PHF20: variants seen among roughly 807,000 people sequenced by gnomAD.
PHF20 encodes the protein PHD finger protein 20.
Under a neutral mutation model 113.5 loss-of-function variants are expected in PHF20, and 23 were observed. The observed-to-expected ratio is 0.20, with a 90% CI of 0.15 to 0.29. The LOEUF (loss-of-function observed/expected upper bound fraction) is 0.29. PHF20 is among the 10% of genes least tolerant of loss of function. The pLI is 1.00. For missense variants in PHF20, 943 were observed against 1,219.6 expected (o/e 0.77, Z 3.38); for synonymous variants, 434 against 457.3 (o/e 0.95, Z 0.65).
chr20:35,781,742 C>T (rs1198202513), intron 1 of PHF20, among the ~76,000 whole-genome samples: 2 of 151,982 alleles, frequency 1.3e-5, no homozygotes, highest in Non-Finnish European at 2.9e-5. Flanking sequence ...GTCAGGAGTT[C>T]GAGGCCAGCC....
chr20:35,801,959 A>T (rs768658960), intron 2 of PHF20: 20 of 188,048 alleles, frequency 1.1e-4, no homozygotes, highest in Non-Finnish European at 2.0e-4. Context: ...GTGAAGAAAA[A>T]GGGGTTCGAT....
At chr20:35,813,678 T>G (rs1000338152) in intron 2 of PHF20, among the ~76,000 whole-genome samples, 1 of 152,054 alleles carries the variant, frequency 6.6e-6, no homozygotes, top group Non-Finnish European at 1.5e-5. Context: ...GTCAACATAG[T>G]GAAACCCTGT....
At chr20:35,932,078 T>G (rs2055768003) in intron 15 of PHF20, among the ~76,000 whole-genome samples, 1 of 151,568 alleles carries the variant, frequency 6.6e-6, no homozygotes, top group Non-Finnish European at 1.5e-5. Flanking sequence ...GTGTTTTTTT[T>G]TTTTTTTGAG....
chr20:35,925,626 T>C (rs1318691409), intron 13 of PHF20, among the ~76,000 whole-genome samples: 1 of 152,118 alleles, frequency 6.6e-6, no homozygotes, highest in Non-Finnish European at 1.5e-5. Flanking sequence ...ATGTTAACTC[T>C]TGCTGTCCAG....
intron 9 of PHF20, among the ~76,000 whole-genome samples, chr20:35,894,759 C>T (rs1425636947): frequency 6.6e-6 from 1 of 152,206 alleles, no homozygotes; most frequent in African/African-American, 2.4e-5. Flanking sequence ...TGGAAGAACT[C>T]GGTTTTGAAA....
intron 17 of PHF20, among the ~76,000 whole-genome samples, chr20:35,944,496 AG>A (rs1406892909): frequency 2.0e-5 from 3 of 152,234 alleles, no homozygotes; most frequent in African/African-American, 7.2e-5. Flanking sequence ...ATCTTGCAAA[AG>A]ATTGACTGAC....
chr20:35,875,965 C>T (rs1039602924), intron 9 of PHF20, among the ~76,000 whole-genome samples: 3 of 152,122 alleles, frequency 2.0e-5, no homozygotes, highest in Non-Finnish European at 4.4e-5. Context: ...AATTATGTTT[C>T]TGGATTGTGG....
intron 1 of PHF20, among the ~76,000 whole-genome samples, chr20:35,779,014 G>A (rs905042078): frequency 6.6e-6 from 1 of 151,696 alleles, no homozygotes; most frequent in African/African-American, 2.4e-5. Context: ...TTTAAACAAA[G>A]GGTTTTTTTT....
chr20:35,818,381 C>A (rs1332432034), intron 2 of PHF20, among the ~76,000 whole-genome samples: 1 of 152,220 alleles, frequency 6.6e-6, no homozygotes, highest in Non-Finnish European at 1.5e-5. Flanking sequence ...CTACTTCAGC[C>A]TCCTGAGTAG....
chr20:35,791,525 T>G (rs908199554), intron 1 of PHF20, among the ~76,000 whole-genome samples: 1 of 141,176 alleles, frequency 7.1e-6, no homozygotes, highest in East Asian at 2.0e-4. Flanking sequence ...TACATATATA[T>G]CTTAGAATAG....
intron 2 of PHF20, among the ~76,000 whole-genome samples, chr20:35,817,871 G>C (rs1218269734): frequency 6.6e-6 from 1 of 151,952 alleles, no homozygotes; most frequent in African/African-American, 2.4e-5. Flanking sequence ...ATGTTTAGAG[G>C]CTGAAGTAGG....
At chr20:35,849,954 A>C (rs542875130) in intron 4 of PHF20, among the ~76,000 whole-genome samples, 1 of 152,288 alleles carries the variant, frequency 6.6e-6, no homozygotes, top group East Asian at 1.9e-4. Context: ...CTGTAGCCAG[A>C]GTGTGGAAGT....
intron 9 of PHF20, among the ~76,000 whole-genome samples, chr20:35,882,953 G>A (rs534327758): frequency 2.0e-5 from 3 of 151,612 alleles, no homozygotes; most frequent in East Asian, 3.9e-4. Flanking sequence ...GCTTGAGCGT[G>A]GGAGGCGGAG....
intron 3 of PHF20, among the ~76,000 whole-genome samples, chr20:35,846,417 A>G (rs1231393393): frequency 6.6e-6 from 1 of 151,290 alleles, no homozygotes; most frequent in East Asian, 1.9e-4. Flanking sequence ...GCCCACCTTG[A>G]CCTCCCAGAG....
chr20:35,842,071 C>A (rs1325409506), intron 2 of PHF20, among the ~76,000 whole-genome samples: 1 of 152,160 alleles, frequency 6.6e-6, no homozygotes. Flanking sequence ...ACTGGCCGGG[C>A]ACAGTGGTTC....
In PHF20 at chr20:35,801,507, C is replaced by G. The variant is rs1044959352; in HGVS notation, c.-16C>G. 1 of 1,597,100 alleles carries G rather than the reference C, an allele frequency of 6.3e-7. No individual in the cohort carries two copies. The highest frequency in any genetic ancestry group is 8.6e-7 in the Non-Finnish European group (1 of 1,166,310). On this transcript the variant is annotated 5_prime_UTR_variant, in exon 2 of 18. Transcript: ENST00000374012. Reference sequence around the variant, plus strand: ...CTTTTTCAGGAGAATAAAGGCAGCCCCGTTGATGACTGAAAATGACAAAGC... The same window carrying G: ...CTTTTTCAGGAGAATAAAGGCAGCCGCGTTGATGACTGAAAATGACAAAGC...
chr20:35,861,832 G>A (rs1009364488), intron 5 of PHF20, among the ~76,000 whole-genome samples: 1 of 152,048 alleles, frequency 6.6e-6, no homozygotes, highest in Non-Finnish European at 1.5e-5. Flanking sequence ...ATTTTTCCCT[G>A]TAGAACAAAT....
intron 16 of PHF20, 100 bp downstream of exon 16, chr20:35,939,208 C>T: frequency 1.5e-6 from 2 of 1,300,440 alleles, no homozygotes; most frequent in Non-Finnish European, 2.1e-6. Context: ...ATTAATAAAA[C>T]TGTATTTAAA....
chr20:35,924,359 T>C (rs1366250122), intron 13 of PHF20, among the ~76,000 whole-genome samples: 7 of 151,744 alleles, frequency 4.6e-5, no homozygotes, highest in South Asian at 4.2e-4. Flanking sequence ...CACGCTTGGC[T>C]AATTTTGTAT....
Sources: gnomAD v4.1 joint callset for allele counts (sites outside exome capture counted in the v4.1 genomes callset) on GRCh38, gnomAD v4.1.1 for gene constraint, MANE v1.5 for transcripts, NCBI Gene and HGNC (gene_info 2026-07-23, HGNC 2026-07-21) for gene names.